The following EYA4 variants were observed in gnomAD, a reference collection of about 807,000 sequenced individuals.
EYA4 encodes EYA transcriptional coactivator and phosphatase 4, also known as protein phosphatase EYA4.
EYA4 carries 31 observed loss-of-function variants against 87.9 expected under a neutral mutation model. The ratio of observed to expected loss-of-function variants is 0.35; its 90% confidence interval spans 0.27 to 0.48. EYA4 has a LOEUF of 0.48. Ranked by LOEUF, EYA4 falls within the 20% of genes least tolerant of loss-of-function variation. The pLI, the probability that EYA4 is intolerant of heterozygous loss-of-function variation, is 0.99. For synonymous variants in EYA4, 263 were observed against 270.6 expected (o/e 0.97, Z 0.28); for missense variants, 678 against 761.4 (o/e 0.89, Z 1.29).
chr6:133,296,318 G>A (rs947694001), intron 2 of EYA4, among the ~76,000 whole-genome samples: 5 of 152,194 alleles, frequency 3.3e-5, no homozygotes, highest in African/African-American at 1.2e-4. Flanking sequence ...CTTTTACTCT[G>A]AGGGAGACGT....
At chr6:133,505,756 A>G (rs760939779) in intron 13 of EYA4, among the ~76,000 whole-genome samples, 1 of 152,168 alleles carries the variant, frequency 6.6e-6, no homozygotes, top group Non-Finnish European at 1.5e-5. Flanking sequence ...ATTCTTCAGC[A>G]CCCCATCCAA....
At chr6:133,469,419 G>GA (rs1795137142) in intron 11 of EYA4, among the ~76,000 whole-genome samples, 1 of 151,952 alleles carries the variant, frequency 6.6e-6, no homozygotes, top group Non-Finnish European at 1.5e-5. Context: ...TTAAAAATAA[G>GA]AACGAAGTTT....
At chr6:133,464,997 A>T in intron 10 of EYA4, 139 bp downstream of exon 10, 1 of 641,990 alleles carries the variant, frequency 1.6e-6, no homozygotes. Context: ...TCAGGATAGT[A>T]AAAAATTAGC....
In EYA4 at chr6:133,504,213, T is replaced by C. The variant is rs375596957; in HGVS notation, c.1192-1893T>C. Among the ~76,000 whole-genome samples, 23 of 152,340 alleles carry C rather than the reference T, an allele frequency of 1.5e-4. 1 individual carries two copies. The East Asian group carries it at 4.0e-3, about 27-fold the overall frequency. ...GAACACAGGCGTGAGCCACTGTGCC[T>C]GGCCTACTTATTAATAATTTTATTC... On this transcript the variant is annotated intron_variant, in intron 13 of 19. Coordinates refer to ENST00000355286, the MANE Select transcript of EYA4 (RefSeq NM_004100.5).
chr6:133,443,560 C>CT (rs1235558570), intron 3 of EYA4, among the ~76,000 whole-genome samples: 2 of 151,848 alleles, frequency 1.3e-5, no homozygotes, highest in African/African-American at 2.4e-5. Context: ...TTCTACTTAC[C>CT]TTTTGTTTAA....
intron 3 of EYA4, among the ~76,000 whole-genome samples, chr6:133,397,215 G>C (rs1236876193): frequency 1.3e-5 from 2 of 152,296 alleles, no homozygotes; most frequent in South Asian, 2.1e-4. Flanking sequence ...CAATACCTTA[G>C]AAAAGCAACT....
intron 2 of EYA4, among the ~76,000 whole-genome samples, chr6:133,348,985 G>T (rs1163315362): frequency 1.3e-5 from 2 of 152,100 alleles, no homozygotes; most frequent in African/African-American, 2.4e-5. Flanking sequence ...GCCCTTAGTT[G>T]CACCTTTGAC....
chr6:133,295,514 T>C (rs1778881274), intron 2 of EYA4, among the ~76,000 whole-genome samples: 1 of 152,216 alleles, frequency 6.6e-6, no homozygotes, highest in Non-Finnish European at 1.5e-5. Flanking sequence ...GTTTATCGAG[T>C]ACCTACTAAT....
chr6:133,353,028 G>A (rs545315684), intron 2 of EYA4, among the ~76,000 whole-genome samples: 1 of 152,132 alleles, frequency 6.6e-6, no homozygotes, highest in South Asian at 2.1e-4. Flanking sequence ...TTGAAAACAA[G>A]CATATATTAC....
At chr6:133,389,976 T>C (rs1787115574) in intron 3 of EYA4, among the ~76,000 whole-genome samples, 1 of 152,178 alleles carries the variant, frequency 6.6e-6, no homozygotes, top group Non-Finnish European at 1.5e-5. Flanking sequence ...CCTGCCTTTC[T>C]GTTCTGCCAA....
chr6:133,410,589 C>T (rs1424842850), intron 3 of EYA4, among the ~76,000 whole-genome samples: 1 of 129,314 alleles, frequency 7.7e-6, no homozygotes. Flanking sequence ...TCCTCCTAAC[C>T]AAAAAAAAAA....
At chr6:133,417,506 C>A (rs1041716523) in intron 3 of EYA4, among the ~76,000 whole-genome samples, 4 of 152,016 alleles carry the variant, frequency 2.6e-5, no homozygotes, top group Non-Finnish European at 5.9e-5. Context: ...CAATATATGT[C>A]AAGATAAACT....
chr6:133,472,400 G>T (rs1209403177), intron 11 of EYA4, among the ~76,000 whole-genome samples: 2 of 96,054 alleles, frequency 2.1e-5, no homozygotes, highest in African/African-American at 1.0e-4. Flanking sequence ...GTAGTTGAGT[G>T]GCTTTGAGTG....
chr6:133,466,925 T>C (rs372624420), intron 10 of EYA4, among the ~76,000 whole-genome samples: 4 of 152,088 alleles, frequency 2.6e-5, no homozygotes, highest in African/African-American at 9.7e-5. Flanking sequence ...GAGGCTATGA[T>C]AGCATTTTGA....
chr6:133,258,504 A>T (rs555265680), intron 1 of EYA4, among the ~76,000 whole-genome samples: 1 of 152,298 alleles, frequency 6.6e-6, no homozygotes, highest in South Asian at 2.1e-4. Flanking sequence ...AAGTAATTTG[A>T]AATGAGGAAA....
intron 3 of EYA4, among the ~76,000 whole-genome samples, chr6:133,426,926 G>A (rs138733681): frequency 1.3e-5 from 2 of 152,224 alleles, no homozygotes; most frequent in East Asian, 3.9e-4. Flanking sequence ...GCTATTCAAA[G>A]CGAATAGAAG....
At chr6:133,357,021 C>T (rs1040605954) in intron 2 of EYA4, among the ~76,000 whole-genome samples, 1 of 151,814 alleles carries the variant, frequency 6.6e-6, no homozygotes, top group Non-Finnish European at 1.5e-5. Context: ...CCTGTAATCC[C>T]AGCACTTTGG....
chr6:133,450,079 G>C (rs946512767), intron 5 of EYA4, among the ~76,000 whole-genome samples: 2 of 151,764 alleles, frequency 1.3e-5, no homozygotes, highest in Non-Finnish European at 2.9e-5. Context: ...TCCGCCTCCC[G>C]GGTTCATGCC....
chr6:133,488,006 C>T (rs1796826242), intron 13 of EYA4, among the ~76,000 whole-genome samples: 1 of 152,112 alleles, frequency 6.6e-6, no homozygotes, highest in African/African-American at 2.4e-5. Flanking sequence ...GTGCCCACTG[C>T]CCTGAAGGGA....
Sources: gnomAD v4.1 joint callset for allele counts (sites outside exome capture counted in the v4.1 genomes callset) on GRCh38, gnomAD v4.1.1 for gene constraint, MANE v1.5 for transcripts, NCBI Gene and HGNC (gene_info 2026-07-23, HGNC 2026-07-21) for gene names.